C7orf57: variants seen among roughly 807,000 people sequenced by gnomAD.
The protein encoded by C7orf57 is uncharacterized protein C7orf57.
A neutral mutation model predicts 39.0 loss-of-function variants in C7orf57; 33 were observed. The observed-to-expected ratio is 0.85, with a 90% CI of 0.64 to 1.13. The LOEUF is 1.13. C7orf57 is among the 50% of genes most tolerant of loss of function. The pLI, the probability that C7orf57 is intolerant of heterozygous loss-of-function variation, is 0.00. For synonymous variants in C7orf57, 124 were observed against 137.1 expected (o/e 0.90, Z 0.67); for missense variants, 346 against 362.3 (o/e 0.95, Z 0.37).
rs1334882180 is a variant in C7orf57, at chr7:48,060,458, T to G, written c.*186T>G. The stretch of plus-strand genomic sequence containing the variant: ...AGGTGTTGGTTTTTGTTTCTTGCAT[T>G]TCTCTGGGATGTGAAACACTTGGCT... On this transcript the variant is annotated 3_prime_UTR_variant, in exon 9 of 9. Coordinates refer to ENST00000348904, the MANE Select transcript of C7orf57 (RefSeq NM_001100159.3). 1 of 464,088 alleles carries G rather than the reference T, an allele frequency of 2.2e-6. No homozygotes were observed. The highest frequency in any genetic ancestry group is 3.6e-5 in the Admixed American group (1 of 27,630). 28.7% of individuals were successfully genotyped at this position (464,088 alleles called of 1,614,324 possible).
In C7orf57 at chr7:48,052,704, G is replaced by A. The variant is rs180987533; in HGVS notation, c.610G>A (p.Gly204Ser). 1 of 1,613,260 alleles carries A rather than the reference G, an allele frequency of 6.2e-7. No homozygotes were observed. The highest frequency in any genetic ancestry group is 8.5e-7 in the Non-Finnish European group (1 of 1,179,400). The change falls in exon 7 of 9, where the codon GGT (glycine) becomes AGT (serine). Residue 204 changes from glycine (G) to serine (S), a missense_variant. Physicochemically the swap from Gly to Ser is moderately conservative, Grantham distance 56. Coordinates refer to ENST00000348904, the MANE Select transcript of C7orf57 (RefSeq NM_001100159.3). The stretch of plus-strand genomic sequence containing the variant: ...ATTACTTTTACTCTTTTTAAGGCCT[G>A]GTCAAAAAAACAGTTCACCTACCAA... ...GSRLSFPPVP[G>S]QKNSSPTNFS...
Position 48,061,233 on chromosome 7 carries a change from A to G in C7orf57, c.*961A>G, listed in dbSNP as rs138468044. ...GATCAAACTGATATGCTACAGGAGA[A>G]TGTATGCAATGTGTAAAAAATGCAA... On this transcript the variant is annotated 3_prime_UTR_variant, in exon 9 of 9. Coordinates refer to ENST00000348904, the MANE Select transcript of C7orf57 (RefSeq NM_001100159.3). 165 of 152,294 alleles carry G rather than the reference A, an allele frequency of 1.1e-3. No homozygotes were observed. Among genetic ancestry groups the G allele is most frequent in the African/African-American group, 3.8e-3 (160 of 41,564 alleles). 9.4% of individuals were successfully genotyped at this position (152,294 alleles called of 1,614,324 possible). A position where few individuals can be genotyped will look rare whatever the true frequency, so the allele number is the denominator to read the frequency against.
At chr7:48,056,123 C>T (rs745707923) in intron 8 of C7orf57, among the ~76,000 whole-genome samples, 7 of 152,118 alleles carry the variant, frequency 4.6e-5, no homozygotes, top group Non-Finnish European at 7.4e-5. Context: ...TTATCATCAA[C>T]ACTTGCTTTT....
intron 2 of C7orf57, among the ~76,000 whole-genome samples, chr7:48,040,125 A>G (rs1304134987): frequency 6.6e-6 from 1 of 152,192 alleles, no homozygotes; most frequent in African/African-American, 2.4e-5. Context: ...AGAAACTCCC[A>G]GTAGGACTCC....
chr7:48,052,618 T>G, intron 6 of C7orf57, 82 bp from the exon 7 acceptor site: 1 of 1,144,118 alleles, frequency 8.7e-7, no homozygotes, highest in Non-Finnish European at 1.3e-6. Context: ...ACACCTCCTA[T>G]TTGGTGTGTT....
rs1226569755 is a variant in C7orf57 at position 48,051,836 on chromosome 7, TTTC to T, written c.606-861_606-859del. 8.2e-5 allele frequency among the ~76,000 whole-genome samples: 6 copies of T among 73,496 alleles called. 1 individual carries two copies. Among genetic ancestry groups the T allele is most frequent in the East Asian group, 5.7e-4 (2 of 3,504 alleles). The allele number at this position is 73,496 out of a possible 152,430, so 48.2% of individuals were successfully genotyped here. ...TCTCTTCTCTTTCTTTCTTTCTTTC[TTTC>T]TTTCTTTCTTTCTTTCTTTCTTTCT... On this transcript the variant is annotated intron_variant, in intron 6 of 8. Coordinates refer to ENST00000348904, the MANE Select transcript of C7orf57 (RefSeq NM_001100159.3).
At chr7:48,046,398 A>C in intron 4 of C7orf57, 62 bp from the exon 5 acceptor site, 2 of 1,501,390 alleles carry the variant, frequency 1.3e-6, no homozygotes, top group Non-Finnish European at 1.8e-6. Flanking sequence ...TGGAGATGGA[A>C]GGAAGGGAGG....
At position 48,044,850 on chromosome 7, in the gene C7orf57, G is replaced by T. The variant is rs1790668168; in HGVS notation, c.350+1261G>T. On this transcript the variant is annotated intron_variant, in intron 4 of 8. Transcript: ENST00000348904. ...CTTTATCTCCAGAACCACCTGTCGT[G>T]GATTGAGAGGTAAAATGAAAAATCA... Among the ~76,000 whole-genome samples the T allele has an allele frequency of 2.0e-5, 3 of 152,280 alleles. No individual in the cohort carries two copies. In the South Asian group the frequency reaches 6.2e-4, roughly 32 times the overall value.
chr7:48,040,013 A>G (rs1790501135), intron 2 of C7orf57, among the ~76,000 whole-genome samples: 2 of 151,972 alleles, frequency 1.3e-5, no homozygotes. Context: ...ATAGTTACCT[A>G]GAACCTCAGT....
At chr7:48,049,033 C>T (rs951817045) in intron 5 of C7orf57, among the ~76,000 whole-genome samples, 19 of 152,090 alleles carry the variant, frequency 1.2e-4, no homozygotes, top group Non-Finnish European at 7.4e-5. Context: ...AACCCCCCTC[C>T]GGGCTGAAAG....
chr7:48,039,953 G>GT (rs560210337), intron 2 of C7orf57, among the ~76,000 whole-genome samples: 41 of 149,196 alleles, frequency 2.7e-4, no homozygotes, highest in African/African-American at 5.4e-4. Flanking sequence ...ATCAGGTGTG[G>GT]TTTTTTTTTT....
chr7:48,036,449 C>A, intron 2 of C7orf57, 86 bp downstream of exon 2: 1 of 1,285,948 alleles, frequency 7.8e-7, no homozygotes, highest in Non-Finnish European at 1.1e-6. Flanking sequence ...CCAACGTCCT[C>A]TATGTGGGCT....
At chr7:48,043,454 C>G (rs1303183286) in intron 3 of C7orf57, 27 bp from the exon 4 acceptor site, 1 of 1,584,148 alleles carries the variant, frequency 6.3e-7, no homozygotes, top group Non-Finnish European at 8.7e-7. Flanking sequence ...CGGGGTGTCT[C>G]ACAGCCATGT....
intron 7 of C7orf57, among the ~76,000 whole-genome samples, chr7:48,053,286 C>T (rs565401043): frequency 7.9e-5 from 12 of 152,080 alleles, no homozygotes; most frequent in East Asian, 5.8e-4. Flanking sequence ...CATAAGCAGC[C>T]GGTACTTTTT....
chr7:48,054,845 A>G (rs13225838), intron 8 of C7orf57, among the ~76,000 whole-genome samples: 1 of 149,924 alleles, frequency 6.7e-6, no homozygotes, highest in Non-Finnish European at 1.5e-5. Context: ...AACAGGATGA[A>G]GATGATGATG....
intron 3 of C7orf57, 61 bp downstream of exon 3, chr7:48,041,580 T>C: frequency 7.6e-7 from 1 of 1,320,018 alleles, no homozygotes. Flanking sequence ...GGGGCGTTTG[T>C]TCCTAATTTC....
At position 48,035,880 on chromosome 7, in the gene C7orf57, C is replaced by T. The variant is rs10253220; in HGVS notation, c.-102+250C>T. 0.33 allele frequency among the ~76,000 whole-genome samples: 50,367 copies of T among 151,892 alleles called. 9,495 individuals carry two copies. Among genetic ancestry groups the T allele is most frequent in the Middle Eastern group, 0.53 (157 of 294 alleles). On this transcript the variant is annotated intron_variant, in intron 1 of 8. Coordinates refer to ENST00000348904, the MANE Select transcript of C7orf57 (RefSeq NM_001100159.3). The surrounding 1 kb of genome is among the most constrained non-coding windows in gnomAD (Gnocchi z 4.0). ...GCGTGGACGTGCCTGTACTGGATACCCGGCGTGACGTGCCCCCTCTGTGTG... is the reference window on the plus strand; with the variant it reads ...GCGTGGACGTGCCTGTACTGGATACTCGGCGTGACGTGCCCCCTCTGTGTG...
intron 8 of C7orf57, among the ~76,000 whole-genome samples, chr7:48,058,531 C>T (rs1791195077): frequency 6.6e-6 from 1 of 152,026 alleles, no homozygotes; most frequent in South Asian, 2.1e-4. Flanking sequence ...TTGTGTTTTG[C>T]AGTATCAGTT....
intron 6 of C7orf57, among the ~76,000 whole-genome samples, chr7:48,051,877 C>CTT (rs1554299795): frequency 3.1e-4 from 12 of 39,104 alleles, no homozygotes; most frequent in South Asian, 9.7e-4. Context: ...CTTTCTCTTT[C>CTT]TCTTTCTTTC....
Sources: allele counts gnomAD v4.1 joint callset (sites outside exome capture counted in the v4.1 genomes callset), GRCh38; gene constraint gnomAD v4.1.1; non-coding constraint Gnocchi (gnomAD v3.1); transcripts MANE v1.5; gene names NCBI Gene and HGNC (gene_info 2026-07-23, HGNC 2026-07-21).